DGKB: variants seen among roughly 807,000 people sequenced by gnomAD.
The protein encoded by DGKB is diacylglycerol kinase beta, also known as 90 kDa diacylglycerol kinase.
In DGKB, 67 loss-of-function variants were observed where a neutral mutation model predicts 114.3. That is an observed-to-expected ratio of 0.59 (90% CI 0.48 to 0.72). The LOEUF (loss-of-function observed/expected upper bound fraction) is 0.72, where lower values mean the gene tolerates loss of function less well. Ranked by LOEUF, DGKB falls within the 30% of genes least tolerant of loss-of-function variation. DGKB has a pLI of 0.00. For missense variants in DGKB, 907 were observed against 975.2 expected, an observed-to-expected ratio of 0.93 and a Z score of 0.93; for synonymous variants, 398 against 323.1, an observed-to-expected ratio of 1.23 and a Z score of -2.49.
At chr7:14,227,478 A>G (rs1426379821) in intron 23 of DGKB, among the ~76,000 whole-genome samples, 1 of 152,126 alleles carries the variant, frequency 6.6e-6, no homozygotes. Flanking sequence ...AAAGTATCCA[A>G]AAAGGATCTG....
rs575206463 is a variant in DGKB at position 14,375,787 on chromosome 7, G to C, written c.1836-30396C>G. 2.0e-5 allele frequency among the ~76,000 whole-genome samples: 3 copies of C among 152,288 alleles called. No homozygotes were observed. The South Asian group carries it at 6.2e-4, about 32-fold the overall frequency. On this transcript the variant is annotated intron_variant, in intron 21 of 25. Transcript: ENST00000402815. ...ATTGCCTCTCTCCTCTGAAAGACTG[G>C]AAGTTCTTCGAGGGCAGTGATTTTC...
intron 1 of DGKB, among the ~76,000 whole-genome samples, chr7:14,844,303 T>C (rs755380715): frequency 1.4e-4 from 22 of 152,198 alleles, no homozygotes; most frequent in Non-Finnish European, 2.4e-4. Context: ...TAGACAACTT[T>C]AATATGGAGG....
At chr7:14,180,582 C>T (rs1782495148) in intron 23 of DGKB, among the ~76,000 whole-genome samples, 1 of 152,086 alleles carries the variant, frequency 6.6e-6, no homozygotes, top group Admixed American at 6.5e-5. Flanking sequence ...AAATAAATAC[C>T]ATACTCCTTT....
intron 20 of DGKB, among the ~76,000 whole-genome samples, chr7:14,554,741 G>A (rs1162813362): frequency 6.6e-6 from 1 of 151,926 alleles, no homozygotes; most frequent in Admixed American, 6.6e-5. Context: ...CAATTTGAAA[G>A]GCAAAATATG....
chr7:14,941,169 T>C (rs1785551568), intron 1 of DGKB, among the ~76,000 whole-genome samples: 1 of 152,176 alleles, frequency 6.6e-6, no homozygotes, highest in Middle Eastern at 3.4e-3. Flanking sequence ...AGGGCATGGA[T>C]AGCAGGAATG....
intron 21 of DGKB, among the ~76,000 whole-genome samples, chr7:14,353,907 A>G (rs561345401): frequency 1.3e-5 from 2 of 152,274 alleles, no homozygotes; most frequent in East Asian, 3.9e-4. Flanking sequence ...ATTTTCTAAG[A>G]GTCATTTTCA....
At chr7:14,513,645 G>A (rs1196707394) in intron 20 of DGKB, among the ~76,000 whole-genome samples, 1 of 151,922 alleles carries the variant, frequency 6.6e-6, no homozygotes, top group East Asian at 1.9e-4. Context: ...TTAAACAAGA[G>A]CAGTGTCAAA....
At chr7:14,176,817 A>C (rs17167945) in intron 25 of DGKB, 22 bp downstream of exon 25, 3 of 1,605,224 alleles carry the variant, frequency 1.9e-6, no homozygotes, top group African/African-American at 1.3e-5. Context: ...TTGACATAGC[A>C]TATCAACTAC....
chr7:14,704,004 C>T (rs796816170), intron 6 of DGKB, among the ~76,000 whole-genome samples: 24 of 152,084 alleles, frequency 1.6e-4, no homozygotes, highest in African/African-American at 5.8e-4. Context: ...ACCTCTAAAT[C>T]GAAAAATAGA....
chr7:14,559,946 T>C (rs1200196506), intron 20 of DGKB, among the ~76,000 whole-genome samples: 1 of 151,678 alleles, frequency 6.6e-6, no homozygotes. Context: ...CCTCTCTTCC[T>C]CTCTTCTTCC....
chr7:14,185,778 T>G (rs1408262383), intron 23 of DGKB, among the ~76,000 whole-genome samples: 2 of 152,208 alleles, frequency 1.3e-5, no homozygotes, highest in Non-Finnish European at 2.9e-5. Context: ...AAGGACACCC[T>G]TTTTAACAAA....
intron 21 of DGKB, among the ~76,000 whole-genome samples, chr7:14,353,538 GA>G (rs1254614950): frequency 6.6e-6 from 1 of 152,184 alleles, no homozygotes; most frequent in Non-Finnish European, 1.5e-5. Context: ...ATTCTGGACA[GA>G]GCTGAACTGG....
At chr7:14,254,600 T>C (rs1795698177) in intron 23 of DGKB, among the ~76,000 whole-genome samples, 1 of 152,284 alleles carries the variant, frequency 6.6e-6, no homozygotes, top group South Asian at 2.1e-4. Flanking sequence ...TTGTAATATA[T>C]ATTGGAAAGT....
chr7:14,172,049 A>AGG (rs1387380220), intron 25 of DGKB, among the ~76,000 whole-genome samples: 2 of 152,202 alleles, frequency 1.3e-5, no homozygotes, highest in African/African-American at 2.4e-5. Context: ...GAGAAGTGGA[A>AGG]GGAGGGGTTG....
intron 13 of DGKB, among the ~76,000 whole-genome samples, chr7:14,658,931 C>T (rs950077539): frequency 8.6e-5 from 13 of 151,720 alleles, no homozygotes; most frequent in Admixed American, 3.3e-4. Flanking sequence ...CTTTAAAGTT[C>T]TGGGATACAT....
At chr7:14,306,804 G>T (rs1470211373) in intron 23 of DGKB, among the ~76,000 whole-genome samples, 1 of 152,108 alleles carries the variant, frequency 6.6e-6, no homozygotes, top group African/African-American at 2.4e-5. Flanking sequence ...AGCTTCAGGG[G>T]CCAATAATTA....
intron 23 of DGKB, among the ~76,000 whole-genome samples, chr7:14,331,330 T>C (rs1349047501): frequency 6.6e-6 from 1 of 152,028 alleles, no homozygotes; most frequent in Admixed American, 6.6e-5. Flanking sequence ...TGAAATCCTT[T>C]TCTTGTTTCC....
intron 15 of DGKB, among the ~76,000 whole-genome samples, chr7:14,617,554 G>A (rs1806776816): frequency 6.6e-6 from 1 of 151,612 alleles, no homozygotes; most frequent in South Asian, 2.1e-4. Flanking sequence ...CTTTATAAGA[G>A]TAAGCCTTTT....
chr7:14,289,215 C>T (rs377115282), intron 23 of DGKB, among the ~76,000 whole-genome samples: 1 of 150,444 alleles, frequency 6.6e-6, no homozygotes, highest in Non-Finnish European at 1.5e-5. Flanking sequence ...ATTGGTGACT[C>T]GTGCTTGAAA....
Sources: allele counts gnomAD v4.1 joint callset (sites outside exome capture counted in the v4.1 genomes callset), GRCh38; gene constraint gnomAD v4.1.1; transcripts MANE v1.5; gene names NCBI Gene and HGNC (gene_info 2026-07-23, HGNC 2026-07-21).